NDUFAF2: variants seen among roughly 807,000 people sequenced by gnomAD.
NDUFAF2 encodes the protein NADH:ubiquinone oxidoreductase complex assembly factor 2.
Under a neutral mutation model 22.8 loss-of-function variants are expected in NDUFAF2, and 13 were observed. That is an observed-to-expected ratio of 0.57 (90% CI 0.37 to 0.91). NDUFAF2 has a LOEUF of 0.91. Among genes scored for constraint, NDUFAF2 ranks in the 40% least tolerant of loss-of-function variants. The probability of loss-of-function intolerance (pLI) is 0.01; values close to 1 mark genes in which losing one functional copy is unlikely to be tolerated. For synonymous variants in NDUFAF2, 53 were observed against 64.2 expected, an observed-to-expected ratio of 0.83 and a Z score of 0.84; for missense variants, 162 against 195.2, an observed-to-expected ratio of 0.83 and a Z score of 1.01.
At chr5:60,969,628 T>A (rs1220594679) in intron 1 of NDUFAF2, among the ~76,000 whole-genome samples, 2 of 152,178 alleles carry the variant, frequency 1.3e-5, no homozygotes, top group Non-Finnish European at 2.9e-5. Context: ...TATTAATCCC[T>A]TGTCAGATGG....
intron 3 of NDUFAF2, among the ~76,000 whole-genome samples, chr5:61,139,799 AT>A (rs912740401): frequency 2.6e-5 from 4 of 152,014 alleles, no homozygotes; most frequent in East Asian, 1.9e-4. Context: ...TTCCTGATTA[AT>A]TTTTTTTGAA....
rs577473448 is a variant in NDUFAF2 at position 61,064,519 on chromosome 5, A to G, written c.128-8606A>G. 6.6e-5 allele frequency among the ~76,000 whole-genome samples: 10 copies of G among 152,202 alleles called. No individual in the cohort carries two copies. The South Asian group carries it at 1.7e-3, about 25-fold the overall frequency. On this transcript the variant is annotated intron_variant, in intron 1 of 3. Transcript: ENST00000296597. The stretch of plus-strand genomic sequence containing the variant: ...GTTAGGCCACAAAAGAAGATTGACC[A>G]TATATCTAGTATTGTTTCAAACTAC...
intron 1 of NDUFAF2, among the ~76,000 whole-genome samples, chr5:61,058,584 A>G (rs1037045611): frequency 6.6e-6 from 1 of 151,954 alleles, no homozygotes; most frequent in African/African-American, 2.4e-5. Flanking sequence ...AGCTAAAAAA[A>G]TTTTCATCCC....
intron 2 of NDUFAF2, among the ~76,000 whole-genome samples, chr5:61,084,205 C>A (rs1752478131): frequency 7.1e-6 from 1 of 141,646 alleles, no homozygotes; most frequent in Non-Finnish European, 1.6e-5. Flanking sequence ...GTATTTTCTT[C>A]ATTTATTGAG....
chr5:61,151,108 TAA>T (rs1358843639), intron 3 of NDUFAF2, among the ~76,000 whole-genome samples: 1 of 152,188 alleles, frequency 6.6e-6, no homozygotes, highest in Non-Finnish European at 1.5e-5. Flanking sequence ...CATCTAAAAC[TAA>T]GTCTTAACAC....
chr5:61,087,299 TC>T (rs2111750476), intron 2 of NDUFAF2, among the ~76,000 whole-genome samples: 1 of 152,228 alleles, frequency 6.6e-6, no homozygotes, highest in Non-Finnish European at 1.5e-5. Flanking sequence ...ATCTCAGACT[TC>T]CAGCCTCCAG....
intron 2 of NDUFAF2, among the ~76,000 whole-genome samples, chr5:61,075,600 C>T (rs1752359088): frequency 6.6e-6 from 1 of 152,022 alleles, no homozygotes; most frequent in African/African-American, 2.4e-5. Flanking sequence ...ACTCATTTTT[C>T]AGCCTTTGAG....
chr5:61,040,300 G>GCGCGCGCGCT (rs1276666903), intron 1 of NDUFAF2, among the ~76,000 whole-genome samples: 25 of 149,204 alleles, frequency 1.7e-4, no homozygotes, highest in Non-Finnish European at 3.4e-4. Context: ...GCGCGCGCGC[G>GCGCGCGCGCT]CGAAAGTTGA....
chr5:61,142,582 A>G (rs1292210604), intron 3 of NDUFAF2, among the ~76,000 whole-genome samples: 1 of 152,234 alleles, frequency 6.6e-6, no homozygotes, highest in Non-Finnish European at 1.5e-5. Flanking sequence ...GATGTTTGCA[A>G]TAGATTTGAA....
At chr5:61,132,567 C>G (rs563179823) in intron 3 of NDUFAF2, among the ~76,000 whole-genome samples, 1 of 152,270 alleles carries the variant, frequency 6.6e-6, no homozygotes, top group Admixed American at 6.5e-5. Context: ...ACCTGATGGC[C>G]CAACCCTTAG....
intron 1 of NDUFAF2, among the ~76,000 whole-genome samples, chr5:61,045,012 G>T (rs1231309009): frequency 1.2e-5 from 1 of 85,848 alleles, no homozygotes; most frequent in African/African-American, 4.5e-5. Flanking sequence ...TATTAAAATT[G>T]TATTAAATTT....
intron 3 of NDUFAF2, among the ~76,000 whole-genome samples, chr5:61,113,714 A>G (rs1253891363): frequency 1.3e-5 from 2 of 152,180 alleles, no homozygotes; most frequent in Non-Finnish European, 2.9e-5. Flanking sequence ...CTCCCCAGCC[A>G]TGCTGAACTG....
chr5:61,001,539 G>A (rs1333594898), intron 1 of NDUFAF2, among the ~76,000 whole-genome samples: 2 of 152,014 alleles, frequency 1.3e-5, no homozygotes, highest in Non-Finnish European at 2.9e-5. Context: ...GACATACAGA[G>A]TTTGTCTTTA....
intron 3 of NDUFAF2, among the ~76,000 whole-genome samples, chr5:61,107,134 A>G (rs1422658102): frequency 6.7e-6 from 1 of 148,542 alleles, no homozygotes; most frequent in East Asian, 2.0e-4. Context: ...TGGTAGTTCC[A>G]TTTTTAGTTT....
At chr5:61,058,007 A>G (rs1752119754) in intron 1 of NDUFAF2, among the ~76,000 whole-genome samples, 1 of 152,172 alleles carries the variant, frequency 6.6e-6, no homozygotes, top group South Asian at 2.1e-4. Flanking sequence ...ATTTTTATTA[A>G]ATTATTCATA....
At chr5:60,955,346 C>T (rs952980381) in intron 1 of NDUFAF2, among the ~76,000 whole-genome samples, 1 of 152,052 alleles carries the variant, frequency 6.6e-6, no homozygotes, top group African/African-American at 2.4e-5. Flanking sequence ...ACTGTGTGTT[C>T]TTGGCATAAT....
intron 3 of NDUFAF2, among the ~76,000 whole-genome samples, chr5:61,130,596 G>A (rs908578392): frequency 5.9e-5 from 9 of 151,894 alleles, no homozygotes; most frequent in Admixed American, 5.3e-4. Flanking sequence ...GTGTTTTTTC[G>A]GAGAAGGAGT....
intron 1 of NDUFAF2, among the ~76,000 whole-genome samples, chr5:60,975,952 C>T (rs1237228722): frequency 6.6e-6 from 1 of 152,176 alleles, no homozygotes; most frequent in African/African-American, 2.4e-5. Flanking sequence ...TTATAATCAG[C>T]GTTGCAATAC....
At chr5:61,074,990 A>G (rs951186202) in intron 2 of NDUFAF2, among the ~76,000 whole-genome samples, 2 of 152,082 alleles carry the variant, frequency 1.3e-5, no homozygotes, top group African/African-American at 4.8e-5. Flanking sequence ...GAACTCACTC[A>G]CTTCACAAGA....
Sources: gnomAD v4.1 joint callset for allele counts (sites outside exome capture counted in the v4.1 genomes callset) on GRCh38, gnomAD v4.1.1 for gene constraint, MANE v1.5 for transcripts, NCBI Gene and HGNC (gene_info 2026-07-23, HGNC 2026-07-21) for gene names.